CFAP61: variants seen among roughly 807,000 people sequenced by gnomAD.
CFAP61 encodes the protein cilia and flagella associated protein 61, also known as cilia- and flagella-associated protein 61.
Under a neutral mutation model 135.6 loss-of-function variants are expected in CFAP61, and 107 were observed. That is an observed-to-expected ratio of 0.79 (90% CI 0.67 to 0.93). The LOEUF (loss-of-function observed/expected upper bound fraction) is 0.93, where lower values mean the gene tolerates loss of function less well. Among genes scored for constraint, CFAP61 ranks in the 40% least tolerant of loss-of-function variants. The pLI is 0.00. For synonymous variants in CFAP61, 575 were observed against 578.5 expected (o/e 0.99, Z 0.09); for missense variants, 1,507 against 1,556.2 (o/e 0.97, Z 0.53).
Position 20,103,381 on chromosome 20 carries a change from GTAAACTGGGACCAATGGGAA to G in CFAP61, c.859+4570_859+4589del, listed in dbSNP as rs1251296238. 2.6e-5 allele frequency among the ~76,000 whole-genome samples: 4 copies of G among 152,152 alleles called. No individual in the cohort carries two copies. In the South Asian group the frequency reaches 8.3e-4, roughly 31 times the overall value. On this transcript the variant is annotated intron_variant, in intron 8 of 26. Coordinates refer to ENST00000245957, the MANE Select transcript of CFAP61 (RefSeq NM_015585.4). ...GGTTTTTATGTACTAAACATTGGGA[GTAAACTGGGACCAATGGGAA>G]TAGGTTCTAAGGATGTAAATTTTGT...
At position 20,298,182 on chromosome 20, in the gene CFAP61, G is replaced by A. The variant is rs779136647; in HGVS notation, c.3218G>A (p.Gly1073Asp). ...LEVQMAQPNYGLELVTGSAKN... is the reference protein window; with the variant it reads ...LEVQMAQPNYDLELVTGSAKN... ...TTCTTGTCCACATCCCTCCTCCAGG[G>A]TTTAGAACTAGTAACCGGCAGTGCG... is the stretch of plus-strand genomic sequence containing the variant. Residue 1073 changes from glycine to aspartate, a missense_variant and splice_region_variant, in exon 25 of 27, where the codon GGT becomes GAT. Gly to Asp is a moderately conservative substitution (Grantham distance 94). Transcript: ENST00000245957. 74 of 1,610,986 alleles carry A rather than the reference G, an allele frequency of 4.6e-5. No individual in the cohort carries two copies. The highest frequency in any genetic ancestry group is 6.1e-5 in the Non-Finnish European group (72 of 1,177,278).
intron 25 of CFAP61, among the ~76,000 whole-genome samples, chr20:20,309,909 G>A (rs896879980): frequency 5.3e-5 from 8 of 152,204 alleles, no homozygotes; most frequent in Non-Finnish European, 1.2e-4. Flanking sequence ...TCAGATGGAA[G>A]ACAGCTGTGC....
chr20:20,269,793 A>G (rs1569220856), intron 21 of CFAP61, among the ~76,000 whole-genome samples: 2 of 152,180 alleles, frequency 1.3e-5, no homozygotes. Flanking sequence ...GTTGGAGTAT[A>G]TTTTAGTAAC....
At chr20:20,182,591 T>C (rs1471577470) in intron 13 of CFAP61, among the ~76,000 whole-genome samples, 2 of 152,204 alleles carry the variant, frequency 1.3e-5, no homozygotes, top group African/African-American at 4.8e-5. Context: ...TTAATAAATA[T>C]TTGTGATGGA....
chr20:20,142,771 C>T (rs1419200666), intron 8 of CFAP61, 86 bp from the exon 9 acceptor site: 1 of 772,780 alleles, frequency 1.3e-6, no homozygotes, highest in Non-Finnish European at 2.2e-6. Context: ...TAGTCTAAAA[C>T]CATGTGACCA....
chr20:20,261,107 C>T (rs996571), intron 20 of CFAP61, among the ~76,000 whole-genome samples: 94,077 of 152,110 alleles, frequency 0.62, 30,051 homozygotes, highest in East Asian at 0.96. Flanking sequence ...TTGCTAAATA[C>T]AATTTCACTG....
At chr20:20,273,314 A>G (rs1278571226) in intron 21 of CFAP61, among the ~76,000 whole-genome samples, 1 of 152,058 alleles carries the variant, frequency 6.6e-6, no homozygotes, top group Non-Finnish European at 1.5e-5. Flanking sequence ...TACATTAGGG[A>G]CTATGTGGGA....
At chr20:20,254,545 A>G (rs556477315) in intron 20 of CFAP61, among the ~76,000 whole-genome samples, 5 of 152,106 alleles carry the variant, frequency 3.3e-5, no homozygotes, top group African/African-American at 4.8e-5. Context: ...GAAATGAAGA[A>G]GTGATAAAGG....
intron 13 of CFAP61, among the ~76,000 whole-genome samples, chr20:20,175,073 T>C (rs1313097917): frequency 1.3e-5 from 2 of 152,218 alleles, no homozygotes; most frequent in African/African-American, 4.8e-5. Flanking sequence ...CACTATCCAG[T>C]GATGCTCAGT....
intron 20 of CFAP61, among the ~76,000 whole-genome samples, chr20:20,256,548 G>A (rs2051599900): frequency 6.6e-6 from 1 of 152,142 alleles, no homozygotes. Flanking sequence ...CATAAAAAAG[G>A]AGATGGGTGA....
intron 6 of CFAP61, among the ~76,000 whole-genome samples, chr20:20,080,656 CA>C (rs1345048292): frequency 6.6e-6 from 1 of 152,080 alleles, no homozygotes; most frequent in African/African-American, 2.4e-5. Flanking sequence ...ATATTCTGAC[CA>C]AATAGAGTTG....
intron 25 of CFAP61, among the ~76,000 whole-genome samples, chr20:20,315,479 G>T (rs1470778592): frequency 2.0e-5 from 3 of 152,232 alleles, no homozygotes; most frequent in African/African-American, 4.8e-5. Flanking sequence ...TTCTCGCATT[G>T]TGTAGGTTGC....
rs1386222723 is a variant in CFAP61, at chr20:20,056,809, C to CT, written c.143+14dup. ...TCATCTATCTTCTGTAAGTAGATAA[C>CT]TAAGTTCAAGAATGTTCATCAATTT... On this transcript the variant is annotated intron_variant, in intron 2 of 26. Coordinates refer to ENST00000245957, the MANE Select transcript of CFAP61 (RefSeq NM_015585.4). 1.9e-6 allele frequency: 3 copies of CT among 1,612,824 alleles called. No homozygotes were observed. The highest frequency in any genetic ancestry group is 2.7e-5 in the African/African-American group (2 of 74,872).
intron 17 of CFAP61, among the ~76,000 whole-genome samples, chr20:20,201,173 A>G (rs1199376618): frequency 1.3e-5 from 2 of 152,198 alleles, no homozygotes; most frequent in East Asian, 3.9e-4. Context: ...ATTAGATTTA[A>G]CAGACATAGC....
At chr20:20,165,400 C>T (rs908281434) in intron 11 of CFAP61, among the ~76,000 whole-genome samples, 6 of 152,124 alleles carry the variant, frequency 3.9e-5, no homozygotes, top group Non-Finnish European at 5.9e-5. Context: ...AATATCTGAG[C>T]AGGGGATAAG....
intron 13 of CFAP61, among the ~76,000 whole-genome samples, chr20:20,171,065 C>T (rs976050820): frequency 6.6e-6 from 1 of 152,086 alleles, no homozygotes; most frequent in African/African-American, 2.4e-5. Flanking sequence ...CAGAAAGTGG[C>T]AGAACTGAAA....
At chr20:20,265,219 G>C (rs935929257) in intron 21 of CFAP61, among the ~76,000 whole-genome samples, 4 of 152,238 alleles carry the variant, frequency 2.6e-5, no homozygotes, top group African/African-American at 9.6e-5. Flanking sequence ...TCAGCCTGCA[G>C]TGCTGTGCTT....
chr20:20,263,218 T>G, intron 21 of CFAP61, 88 bp downstream of exon 21: 1 of 919,832 alleles, frequency 1.1e-6, no homozygotes, highest in South Asian at 2.6e-5. Flanking sequence ...CAGTATATAA[T>G]TAGTGCCTAA....
At chr20:20,090,355 T>G (rs1236167257) in intron 6 of CFAP61, among the ~76,000 whole-genome samples, 1 of 152,146 alleles carries the variant, frequency 6.6e-6, no homozygotes, top group East Asian at 1.9e-4. Flanking sequence ...TGTTTAGAAT[T>G]GTCTAAATTG....
Sources: allele counts gnomAD v4.1 joint callset (sites outside exome capture counted in the v4.1 genomes callset), GRCh38; gene constraint gnomAD v4.1.1; transcripts MANE v1.5; gene names NCBI Gene and HGNC (gene_info 2026-07-23, HGNC 2026-07-21).